USP15: variants seen among roughly 807,000 people sequenced by gnomAD.
The protein encoded by USP15 is ubiquitin specific peptidase 15, also known as ubiquitin carboxyl-terminal hydrolase 15.
USP15 carries 18 observed loss-of-function variants against 127.1 expected under a neutral mutation model. The observed-to-expected ratio is 0.14, with a 90% confidence interval of 0.10 to 0.21. The LOEUF is 0.21. Ranked by LOEUF, USP15 falls within the 10% of genes least tolerant of loss-of-function variation. The pLI, the probability that USP15 is intolerant of heterozygous loss-of-function variation, is 1.00. For missense variants in USP15, 805 were observed against 1,159.9 expected (o/e 0.69, Z 4.44); for synonymous variants, 364 against 393.7 (o/e 0.92, Z 0.89).
At chr12:62,392,150 A>T (rs1017222267) in intron 17 of USP15, 122 bp from the exon 18 acceptor site, 6 of 762,208 alleles carry the variant, frequency 7.9e-6, no homozygotes, top group African/African-American at 1.8e-5. Context: ...CTCAACTGAA[A>T]TAAGCTTTAT....
intron 6 of USP15, among the ~76,000 whole-genome samples, chr12:62,343,594 C>T (rs976881881): frequency 2.0e-5 from 3 of 152,122 alleles, no homozygotes; most frequent in African/African-American, 4.8e-5. Context: ...ATGGGAAAAG[C>T]GTAGTACCCG....
At chr12:62,348,621 ATACT>A (rs1228227040) in intron 6 of USP15, among the ~76,000 whole-genome samples, 51 of 152,356 alleles carry the variant, frequency 3.3e-4, no homozygotes, top group African/African-American at 1.2e-3. Flanking sequence ...CCTTTAATAC[ATACT>A]TGTTGATTAA....
intron 6 of USP15, among the ~76,000 whole-genome samples, chr12:62,343,540 G>C (rs1401130914): frequency 6.6e-6 from 1 of 152,208 alleles, no homozygotes; most frequent in Non-Finnish European, 1.5e-5. Flanking sequence ...CCCTGGTGGT[G>C]TAGGCACAGG....
chr12:62,352,039 C>T (rs2065982520), intron 7 of USP15, among the ~76,000 whole-genome samples: 1 of 151,426 alleles, frequency 6.6e-6, no homozygotes, highest in Admixed American at 6.6e-5. Flanking sequence ...AGGTAATGAC[C>T]TTTTTGGATT....
At chr12:62,335,697 AC>A (rs2065441271) in intron 6 of USP15, 1 of 985,606 alleles carries the variant, frequency 1.0e-6, no homozygotes, top group Non-Finnish European at 1.2e-6. Flanking sequence ...TCCTCCATTT[AC>A]CATCCTTAAG....
chr12:62,345,747 T>TG (rs552567931), intron 6 of USP15, among the ~76,000 whole-genome samples: 11 of 151,588 alleles, frequency 7.3e-5, no homozygotes, highest in African/African-American at 1.2e-4. Flanking sequence ...GTTTCTGGGG[T>TG]GGGGGGGCCT....
chr12:62,364,432 A>T (rs2066416482), intron 8 of USP15, among the ~76,000 whole-genome samples: 1 of 152,206 alleles, frequency 6.6e-6, no homozygotes, highest in Non-Finnish European at 1.5e-5. Flanking sequence ...CATAAAACAG[A>T]TGCCTAGATT....
intron 16 of USP15, 144 bp downstream of exon 16, chr12:62,391,573 T>C: frequency 9.3e-7 from 1 of 1,078,192 alleles, no homozygotes; most frequent in Non-Finnish European, 1.3e-6. Context: ...GGACTTAATA[T>C]CTAAGTAGAC....
Position 62,293,853 on chromosome 12 carries a change from A to G in USP15, c.90-326A>G, listed in dbSNP as rs187037280. On this transcript the variant is annotated intron_variant, in intron 1 of 21. Coordinates refer to ENST00000280377, the MANE Select transcript of USP15 (RefSeq NM_001252078.2). The stretch of plus-strand genomic sequence containing the variant: ...TGTAAAAGAACCATTTTTTCTATTT[A>G]CCATATTGCATTTTTAAATTTATTT... Among the ~76,000 whole-genome samples, 54 of 152,172 alleles carry G rather than the reference A, an allele frequency of 3.5e-4. No homozygotes were observed. In the East Asian group the frequency reaches 8.3e-3, roughly 23 times the overall value.
chr12:62,341,968 A>G (rs2065661992), intron 6 of USP15, among the ~76,000 whole-genome samples: 1 of 152,048 alleles, frequency 6.6e-6, no homozygotes, highest in African/African-American at 2.4e-5. Context: ...AGGTTGAGGA[A>G]GTTCTCCTGA....
chr12:62,330,663 G>A (rs1342750617), intron 6 of USP15, among the ~76,000 whole-genome samples: 2 of 150,932 alleles, frequency 1.3e-5, no homozygotes, highest in Non-Finnish European at 2.9e-5. Flanking sequence ...GCTCACACCT[G>A]TAATCCTAGC....
At chr12:62,381,702 A>G (rs761880006) in intron 9 of USP15, 39 bp downstream of exon 9, 13 of 1,578,726 alleles carry the variant, frequency 8.2e-6, no homozygotes, top group South Asian at 4.6e-5. Flanking sequence ...GGTACCTGCA[A>G]GGGTACAAAA....
At chr12:62,293,555 G>A (rs951470326) in intron 1 of USP15, among the ~76,000 whole-genome samples, 3 of 151,868 alleles carry the variant, frequency 2.0e-5, no homozygotes, top group Admixed American at 6.6e-5. Flanking sequence ...GGGGTTTCAC[G>A]ATGTTGGCCA....
chr12:62,342,029 G>A (rs1010155566), intron 6 of USP15, among the ~76,000 whole-genome samples: 9 of 152,054 alleles, frequency 5.9e-5, no homozygotes, highest in South Asian at 2.1e-4. Flanking sequence ...CATTCTCCCC[G>A]TCACTTTCAG....
chr12:62,299,044 C>G (rs2137177035), intron 2 of USP15, among the ~76,000 whole-genome samples: 1 of 152,228 alleles, frequency 6.6e-6, no homozygotes, highest in East Asian at 1.9e-4. Context: ...CTCTAGACAA[C>G]TACTAATCTC....
At chr12:62,328,376 C>T in intron 6 of USP15, 1 of 422,628 alleles carries the variant, frequency 2.4e-6, no homozygotes, top group African/African-American at 2.0e-5. Flanking sequence ...CAAGACATGG[C>T]AATGCCTGTG....
intron 1 of USP15, among the ~76,000 whole-genome samples, chr12:62,282,419 CA>C (rs1373639565): frequency 6.6e-6 from 1 of 152,096 alleles, no homozygotes; most frequent in Non-Finnish European, 1.5e-5. Flanking sequence ...ACAGTTATGA[CA>C]ATATTCTGTA....
intron 8 of USP15, among the ~76,000 whole-genome samples, chr12:62,372,705 A>G (rs1041170564): frequency 2.6e-5 from 4 of 152,076 alleles, no homozygotes; most frequent in Non-Finnish European, 5.9e-5. Flanking sequence ...TTTTTTCATA[A>G]ATCCTTTGAC....
chr12:62,365,223 T>C (rs1263196252), intron 8 of USP15, among the ~76,000 whole-genome samples: 1 of 152,180 alleles, frequency 6.6e-6, no homozygotes, highest in Non-Finnish European at 1.5e-5. Flanking sequence ...GCATCTGTTG[T>C]TTCCTGACTA....
Sources: allele counts gnomAD v4.1 joint callset (sites outside exome capture counted in the v4.1 genomes callset), GRCh38; gene constraint gnomAD v4.1.1; transcripts MANE v1.5; gene names NCBI Gene and HGNC (gene_info 2026-07-23, HGNC 2026-07-21).